RAF1: variants seen among roughly 807,000 people sequenced by gnomAD.
The protein encoded by RAF1 is RAF proto-oncogene serine/threonine-protein kinase.
RAF1 carries 27 observed loss-of-function variants against 81.1 expected under a neutral mutation model. The ratio of observed to expected loss-of-function variants is 0.33; its 90% CI spans 0.25 to 0.46. The LOEUF is 0.46. RAF1 is among the 20% of genes least tolerant of loss of function. The pLI is 1.00. For synonymous variants in RAF1, 298 were observed against 294.0 expected, an observed-to-expected ratio of 1.01 and a Z score of -0.14; for missense variants, 598 against 826.0, an observed-to-expected ratio of 0.72 and a Z score of 3.38.
At chr3:12,618,295 C>T (rs2059439429) in intron 2 of RAF1, among the ~76,000 whole-genome samples, 1 of 150,888 alleles carries the variant, frequency 6.6e-6, no homozygotes, top group Admixed American at 6.6e-5. Flanking sequence ...CAAAGGAAGA[C>T]ATTCCAGGCA....
intron 1 of RAF1, among the ~76,000 whole-genome samples, chr3:12,620,087 A>T (rs997443525): frequency 7.9e-5 from 12 of 152,140 alleles, no homozygotes; most frequent in African/African-American, 1.2e-4. Context: ...ATCTCAAAAA[A>T]AATAATAATA....
intron 11 of RAF1, among the ~76,000 whole-genome samples, chr3:12,597,053 C>A (rs1054262586): frequency 1.4e-4 from 22 of 152,246 alleles, no homozygotes; most frequent in Middle Eastern, 3.4e-3. Flanking sequence ...CGCCCACCCC[C>A]ACGCCCGGCT....
chr3:12,663,276 C>T (rs2060939773), intron 1 of RAF1, among the ~76,000 whole-genome samples: 1 of 152,290 alleles, frequency 6.6e-6, no homozygotes, highest in African/African-American at 2.4e-5. Context: ...CATTAATAAC[C>T]CAGAGTCCTG....
intron 14 of RAF1, chr3:12,587,370 A>C: frequency 1.7e-6 from 1 of 593,600 alleles, no homozygotes; most frequent in Non-Finnish European, 3.0e-6. Flanking sequence ...TCAGAAAGGA[A>C]CCTAACCTAA....
rs5746205 is a variant in RAF1, at chr3:12,606,831, C to T, written c.582-532G>A. ...TAACTTGTCATTTAACATTAGGTGT[C>T]TCTCCTAATGCTATCCCTTCCCCCA... On this transcript the variant is annotated intron_variant, in intron 5 of 17. Coordinates refer to ENST00000442415, the MANE Select transcript of RAF1 (RefSeq NM_001354689.3). Among the ~76,000 whole-genome samples, 1,452 of 152,204 alleles carry T rather than the reference C, an allele frequency of 9.5e-3. 5 individuals are homozygous for T. Among genetic ancestry groups the T allele is most frequent in the Middle Eastern group, 0.041 (12 of 294 alleles).
chr3:12,592,633 C>T (rs1237575249), intron 11 of RAF1, among the ~76,000 whole-genome samples: 1 of 151,832 alleles, frequency 6.6e-6, no homozygotes, highest in African/African-American at 2.4e-5. Context: ...ATAACACTGA[C>T]AACTGATTGT....
chr3:12,613,237 A>T (rs1479399051), intron 2 of RAF1, among the ~76,000 whole-genome samples: 1 of 152,186 alleles, frequency 6.6e-6, no homozygotes, highest in East Asian at 1.9e-4. Flanking sequence ...TTTTGATAAA[A>T]GCCCTCCATG....
At position 12,599,704 on chromosome 3, in the gene RAF1, CT is replaced by C. The variant is rs776783196; in HGVS notation, c.1154del (p.Lys385ArgfsTer10). 1 of 1,613,966 alleles carries C rather than the reference CT, an allele frequency of 6.2e-7. No homozygotes were observed. ...CCCCAAGCTTACCGTGCCATTTACC[CT>C]TATAAACAGTTCCAAAAGAGCCTGA... On this transcript the variant is annotated frameshift_variant, in exon 11 of 18. Transcript: ENST00000442415. LOFTEE classifies it high-confidence loss of function.
At chr3:12,607,240 A>C (rs773307693) in intron 5 of RAF1, among the ~76,000 whole-genome samples, 54 of 152,222 alleles carry the variant, frequency 3.5e-4, no homozygotes, top group Non-Finnish European at 1.9e-4. Flanking sequence ...AGCAAGCCTC[A>C]TAAGAACAAT....
chr3:12,609,146 A>T (rs1282186508), intron 4 of RAF1, 87 bp downstream of exon 4: 1 of 1,090,914 alleles, frequency 9.2e-7, no homozygotes. Context: ...CTATATATAT[A>T]TATACATACG....
intron 1 of RAF1, among the ~76,000 whole-genome samples, chr3:12,620,218 T>C (rs1437877744): frequency 1.3e-5 from 2 of 152,166 alleles, no homozygotes; most frequent in East Asian, 1.9e-4. Flanking sequence ...CTTGGCTCAC[T>C]GAACCTCCCA....
chr3:12,630,357 A>G (rs1377765596), intron 1 of RAF1, among the ~76,000 whole-genome samples: 1 of 152,176 alleles, frequency 6.6e-6, no homozygotes, highest in African/African-American at 2.4e-5. Flanking sequence ...TGTACCAGGC[A>G]CTGTTCAAGA....
intron 1 of RAF1, among the ~76,000 whole-genome samples, chr3:12,654,999 G>T (rs2060641425): frequency 9.7e-6 from 1 of 103,310 alleles, no homozygotes; most frequent in Non-Finnish European, 1.9e-5. Flanking sequence ...AACATAGTGA[G>T]ACCCCCCCCC....
rs553219767 is a variant in RAF1 at position 12,634,227 on chromosome 3, G to C, written c.-26-15480C>G. ...CAGTGGCATGACCTTGCTCACTGCAGCCTCCGCCTCCCAGGTTCAAGCGAT... is the reference window on the plus strand; with the variant it reads ...CAGTGGCATGACCTTGCTCACTGCACCCTCCGCCTCCCAGGTTCAAGCGAT... On this transcript the variant is annotated intron_variant, in intron 1 of 17. Coordinates refer to ENST00000442415, the MANE Select transcript of RAF1 (RefSeq NM_001354689.3). 4.7e-5 allele frequency among the ~76,000 whole-genome samples: 7 copies of C among 150,142 alleles called. No homozygotes were observed. In the Admixed American group the frequency reaches 4.7e-4, roughly 10 times the overall value.
In RAF1 at chr3:12,603,553, G is replaced by T; in HGVS notation, c.835-16C>A. The T allele has an allele frequency of 1.4e-6, 1 of 696,480 alleles. No individual in the cohort carries two copies. Among genetic ancestry groups the T allele is most frequent in the East Asian group, 2.7e-5 (1 of 37,238 alleles). 43.1% of individuals were successfully genotyped at this position (696,480 alleles called of 1,614,324 possible). On this transcript the variant is annotated splice_polypyrimidine_tract_variant and intron_variant, in intron 7 of 17. Transcript: ENST00000442415. ...GGTTGTTATTCTAGTCCAAAGCAAT[G>T]AGAAATAAAGAAGAATAAAGAACAA...
Position 12,599,802 on chromosome 3 carries a change from G to C in RAF1, c.1057C>G (p.Arg353Gly), listed in dbSNP as rs551466727. The change falls in exon 11 of 18, where the codon CGT becomes GGT. Residue 353 changes from arginine (R) to glycine (G), a missense_variant. Transcript: ENST00000442415. Reference sequence around the variant, plus strand: ...TAATAGCTTGAATCTCTCTGTCCACGAGGCCTCTGAAACAAGTAGAGATCA... The same window carrying C: ...TAATAGCTTGAATCTCTCTGTCCACCAGGCCTCTGAAACAAGTAGAGATCA... The C allele has an allele frequency of 6.2e-7, 1 of 1,612,302 alleles. No individual in the cohort carries two copies. The highest frequency in any genetic ancestry group is 8.5e-7 in the Non-Finnish European group (1 of 1,178,338).
intron 1 of RAF1, among the ~76,000 whole-genome samples, chr3:12,629,710 G>C (rs2059807912): frequency 6.6e-6 from 1 of 152,182 alleles, no homozygotes; most frequent in Non-Finnish European, 1.5e-5. Context: ...TTTCAACCTT[G>C]TGGCAGCCTA....
At chr3:12,625,256 T>C (rs2059670070) in intron 1 of RAF1, among the ~76,000 whole-genome samples, 1 of 152,054 alleles carries the variant, frequency 6.6e-6, no homozygotes, top group Non-Finnish European at 1.5e-5. Context: ...GCTAATTTTG[T>C]GTTTTTAGTG....
intron 6 of RAF1, among the ~76,000 whole-genome samples, chr3:12,604,565 C>G (rs570090386): frequency 6.6e-6 from 1 of 152,064 alleles, no homozygotes; most frequent in South Asian, 2.1e-4. Flanking sequence ...AATAAAGCAC[C>G]ACTCTACTCC....
Sources: gnomAD v4.1 joint callset for allele counts (sites outside exome capture counted in the v4.1 genomes callset) on GRCh38, gnomAD v4.1.1 for gene constraint, MANE v1.5 for transcripts, NCBI Gene and HGNC (gene_info 2026-07-23, HGNC 2026-07-21) for gene names.